Variants in SPATA2 observed in about 807,000 individuals in gnomAD.
SPATA2 encodes the protein spermatogenesis-associated protein 2.
In SPATA2, 8 loss-of-function variants were observed where a neutral mutation model predicts 35.4. The ratio of observed to expected loss-of-function variants is 0.23; its 90% CI spans 0.13 to 0.41. The LOEUF is 0.41. Among genes scored for constraint, SPATA2 ranks in the 10% least tolerant of loss-of-function variants. The probability of loss-of-function intolerance (pLI) is 1.00; values close to 1 mark genes in which losing one functional copy is unlikely to be tolerated. For missense variants in SPATA2, 650 were observed against 698.7 expected (o/e 0.93, Z 0.79); for synonymous variants, 293 against 300.9 (o/e 0.97, Z 0.27).
chr20:49,906,194 A>G lies in SPATA2; in HGVS notation c.988T>C (p.Ser330Pro), dbSNP rs1222996530. The G allele has an allele frequency of 1.3e-6, 2 of 1,581,308 alleles. No homozygotes were observed. Among genetic ancestry groups the G allele is most frequent in the Admixed American group, 3.5e-5 (2 of 57,964 alleles). Residue 330 changes from serine (S) to proline (P), a missense_variant, in exon 3 of 3, where the codon TCC becomes CCC. Ser to Pro is a moderately conservative substitution (Grantham distance 74). Transcript: ENST00000289431. This position sits in a 1 kb window ranked among gnomAD's most constrained non-coding sequence, Gnocchi z 8.2. Reference protein sequence around the residue: ...GPALLRGTYFSTQDDVDLYTD... With the variant: ...GPALLRGTYFPTQDDVDLYTD... ...TACAGATCCACGTCATCCTGAGTGG[A>G]GAAGTAGGTACCGCGCAGCAGGGCC...
Position 49,905,951 on chromosome 20 carries a change from TG to T in SPATA2, c.1230del (p.Ser411AlafsTer97). ...SLLTCPPASK[P>X]SAFPSKASTH... ...GTCGAGGCCTTGCTGGGGAAGGCGC[TG>T]GGCTTGGAAGCTGGAGGACAGGTGA... is the stretch of plus-strand genomic sequence containing the variant. On this transcript the variant is annotated frameshift_variant, in exon 3 of 3. Transcript: ENST00000289431. LOFTEE classifies it high-confidence loss of function. The T allele has an allele frequency of 6.2e-7, 1 of 1,609,952 alleles. No individual in the cohort carries two copies. Among genetic ancestry groups the T allele is most frequent in the Non-Finnish European group, 8.5e-7 (1 of 1,179,882 alleles).
In SPATA2 at chr20:49,906,326, C is replaced by A; in HGVS notation, c.856G>T (p.Asp286Tyr). The A allele has an allele frequency of 6.2e-7, 1 of 1,605,662 alleles. No homozygotes were observed. The highest frequency in any genetic ancestry group is 8.5e-7 in the Non-Finnish European group (1 of 1,175,164). ...KEPVATDVGD[D>Y]LKDEIIRPSP... ...GGGCGGATGATCTCATCCTTGAGGT[C>A]GTCCCCCACATCCGTTGCCACAGGC... Residue 286 changes from aspartate (D) to tyrosine (Y), a missense_variant, in exon 3 of 3, where the codon GAC becomes TAC. Physicochemically the swap from Asp to Tyr is radical, Grantham distance 160 (BLOSUM62 -3). Coordinates refer to ENST00000289431, the MANE Select transcript of SPATA2 (RefSeq NM_006038.4). The surrounding 1 kb of genome is among the most constrained non-coding windows in gnomAD (Gnocchi z 8.2).
In SPATA2 at chr20:49,905,338, C is replaced by A; in HGVS notation, c.*281G>T. ...ACAACAAAACAAAACAAAACAAAAC[C>A]CCAAAAAAAGAACCAACTGAACAGG... On this transcript the variant is annotated 3_prime_UTR_variant, in exon 3 of 3. Coordinates refer to ENST00000289431, the MANE Select transcript of SPATA2 (RefSeq NM_006038.4). 1 of 444,884 alleles carries A rather than the reference C, an allele frequency of 2.2e-6. No homozygotes were observed. The highest frequency in any genetic ancestry group is 4.0e-6 in the Non-Finnish European group (1 of 250,344). 27.6% of individuals were successfully genotyped at this position (444,884 alleles called of 1,614,324 possible). A position where few individuals can be genotyped will look rare whatever the true frequency, so the allele number is the denominator to read the frequency against.
intron 1 of SPATA2, among the ~76,000 whole-genome samples, chr20:49,909,920 G>A (rs1488819896): frequency 6.6e-6 from 1 of 152,228 alleles, no homozygotes; most frequent in Non-Finnish European, 1.5e-5. Flanking sequence ...GTGGCTACCG[G>A]CCCCTGGAGT....
Position 49,905,512 on chromosome 20 carries a change from T to G in SPATA2, c.*107A>C. ...CCCACGATCTCTGCCACCTACATGG[T>G]CAAGTGCAGGCCTCCGCCTCTGAGA... On this transcript the variant is annotated 3_prime_UTR_variant, in exon 3 of 3. Transcript: ENST00000289431. The G allele has an allele frequency of 7.7e-7, 1 of 1,306,514 alleles. No individual in the cohort carries two copies. The highest frequency in any genetic ancestry group is 1.1e-6 in the Non-Finnish European group (1 of 942,094). The allele number at this position is 1,306,514 out of a possible 1,614,324, so 80.9% of individuals were successfully genotyped here.
At chr20:49,909,180 G>A (rs1483304410) in intron 1 of SPATA2, among the ~76,000 whole-genome samples, 9 of 152,120 alleles carry the variant, frequency 5.9e-5, no homozygotes, top group East Asian at 3.9e-4. Flanking sequence ...CTGCCACCAC[G>A]CCTGGTTAAT....
chr20:49,909,571 G>T (rs1193735479), intron 1 of SPATA2, among the ~76,000 whole-genome samples: 1 of 151,996 alleles, frequency 6.6e-6, no homozygotes, highest in Non-Finnish European at 1.5e-5. Flanking sequence ...TTAAGAAAAA[G>T]AAACTGTCCA....
chr20:49,906,277 G>A lies in SPATA2; in HGVS notation c.905C>T (p.Ala302Val). The change falls in exon 3 of 3, where the codon GCC (alanine) becomes GTC (valine). Residue 302 changes from alanine (A) to valine (V), a missense_variant. By Grantham distance (64) the Ala-to-Val change is moderately conservative. Transcript: ENST00000289431. This position sits in a 1 kb window ranked among gnomAD's most constrained non-coding sequence, Gnocchi z 8.2. ...ATCCGGGCTGCCGTGGGGGGAGCTGGCCATGGTCAGCAGCGAAGGGGATGG... is the reference window on the plus strand; with the variant it reads ...ATCCGGGCTGCCGTGGGGGGAGCTGACCATGGTCAGCAGCGAAGGGGATGG... ...IRPSPSLLTM[A>V]SSPHGSPDVL... 4 of 1,573,874 alleles carry A rather than the reference G, an allele frequency of 2.5e-6. No individual in the cohort carries two copies. The highest frequency in any genetic ancestry group is 3.5e-6 in the Non-Finnish European group (4 of 1,158,432).
At position 49,905,523 on chromosome 20, in the gene SPATA2, C is replaced by T. The variant is rs1049310316; in HGVS notation, c.*96G>A. 7.1e-7 allele frequency: 1 copy of T among 1,409,122 alleles called. No homozygotes were observed. The highest frequency in any genetic ancestry group is 9.7e-7 in the Non-Finnish European group (1 of 1,025,706). 87.3% of individuals were successfully genotyped at this position (1,409,122 alleles called of 1,614,324 possible). On this transcript the variant is annotated 3_prime_UTR_variant, in exon 3 of 3. Coordinates refer to ENST00000289431, the MANE Select transcript of SPATA2 (RefSeq NM_006038.4). The stretch of plus-strand genomic sequence containing the variant: ...TGCCACCTACATGGTCAAGTGCAGG[C>T]CTCCGCCTCTGAGATCAATGCGTTA...
chr20:49,912,163 A>T (rs2090185313), intron 1 of SPATA2, among the ~76,000 whole-genome samples: 1 of 152,186 alleles, frequency 6.6e-6, no homozygotes, highest in South Asian at 2.1e-4. Context: ...CTTAAAAAAT[A>T]AAAATGCAGG....
At position 49,905,816 on chromosome 20, in the gene SPATA2, G is replaced by T; in HGVS notation, c.1366C>A (p.Pro456Thr). ...TTGCAGAAGCCACAGCGGGAAGTGGGCGTGGTGGAGGGCTTGGATTTGGAG... is the reference window on the plus strand; with the variant it reads ...TTGCAGAAGCCACAGCGGGAAGTGGTCGTGGTGGAGGGCTTGGATTTGGAG... ...LHSKSKPSTT[P>T]TSRCGFCNRP... Residue 456 changes from proline (P) to threonine (T), a missense_variant, in exon 3 of 3, where the codon CCC (proline) becomes ACC (threonine). Coordinates refer to ENST00000289431, the MANE Select transcript of SPATA2 (RefSeq NM_006038.4). 1 of 1,614,210 alleles carries T rather than the reference G, an allele frequency of 6.2e-7. No homozygotes were observed. Among genetic ancestry groups the T allele is most frequent in the Non-Finnish European group, 8.5e-7 (1 of 1,180,030 alleles).
At position 49,906,684 on chromosome 20, in the gene SPATA2, G is replaced by C; in HGVS notation, c.498C>G (p.Leu166=). 6.2e-7 allele frequency: 1 copy of C among 1,614,238 alleles called. No homozygotes were observed. The highest frequency in any genetic ancestry group is 8.5e-7 in the Non-Finnish European group (1 of 1,180,052). The change falls in exon 3 of 3, where the codon CTC becomes CTG. Residue 166 remains leucine (L), a synonymous_variant. Coordinates refer to ENST00000289431, the MANE Select transcript of SPATA2 (RefSeq NM_006038.4). This position sits in a 1 kb window ranked among gnomAD's most constrained non-coding sequence, Gnocchi z 8.2. ...GCTCACACTCGACTTTGGCCAGAAA[G>C]AGCTCAAAGGAGACCATCTTCACCT... ...TLQVKMVSFE[L]FLAKVECEQM...
intron 1 of SPATA2, among the ~76,000 whole-genome samples, chr20:49,911,728 T>C (rs1228072152): frequency 1.3e-5 from 2 of 151,870 alleles, no homozygotes; most frequent in African/African-American, 4.8e-5. Flanking sequence ...CTGCAAAGGA[T>C]GTCTGCATTC....
Position 49,905,548 on chromosome 20 carries a change from A to T in SPATA2, c.*71T>A. ...CCTCCGCCTCTGAGATCAATGCGTT[A>T]GTACTTCTTCACCGTGAAACCCGAA... On this transcript the variant is annotated 3_prime_UTR_variant, in exon 3 of 3. Transcript: ENST00000289431. 1 of 1,536,762 alleles carries T rather than the reference A, an allele frequency of 6.5e-7. No individual in the cohort carries two copies. Among genetic ancestry groups the T allele is most frequent in the Non-Finnish European group, 8.9e-7 (1 of 1,124,852 alleles).
intron 1 of SPATA2, 51 bp from the exon 2 acceptor site, chr20:49,908,643 C>T (rs978666516): frequency 6.5e-5 from 44 of 677,532 alleles, no homozygotes; most frequent in African/African-American, 1.8e-4. Context: ...GGTCGCGCTT[C>T]GGCTTCAGGT....
chr20:49,910,934 G>T (rs569867109), intron 1 of SPATA2, among the ~76,000 whole-genome samples: 53 of 152,372 alleles, frequency 3.5e-4, no homozygotes, highest in African/African-American at 1.2e-3. Flanking sequence ...CCATTTAGGG[G>T]CCAGGTGCGG....
chr20:49,914,972 G>C (rs904341061), intron 1 of SPATA2, among the ~76,000 whole-genome samples: 1 of 152,202 alleles, frequency 6.6e-6, no homozygotes, highest in Non-Finnish European at 1.5e-5. Flanking sequence ...CACTTAAATA[G>C]GCAACTGAGG....
At chr20:49,910,480 C>T (rs2090176751) in intron 1 of SPATA2, among the ~76,000 whole-genome samples, 1 of 152,150 alleles carries the variant, frequency 6.6e-6, no homozygotes, top group Admixed American at 6.5e-5. Context: ...TGTGCATTTT[C>T]ACATGCTCTG....
Position 49,906,241 on chromosome 20 carries a change from G to C in SPATA2, c.941C>G (p.Pro314Arg). 1 of 1,568,670 alleles carries C rather than the reference G, an allele frequency of 6.4e-7. No homozygotes were observed. Residue 314 changes from proline (P) to arginine (R), a missense_variant, in exon 3 of 3, where the codon CCC becomes CGC. By Grantham distance (103) the Pro-to-Arg change is moderately radical. Coordinates refer to ENST00000289431, the MANE Select transcript of SPATA2 (RefSeq NM_006038.4). This position sits in a 1 kb window ranked among gnomAD's most constrained non-coding sequence, Gnocchi z 8.2. Reference protein sequence around the residue: ...SPHGSPDVLPPASPSNGPALL... With the variant: ...SPHGSPDVLPRASPSNGPALL... Reference sequence around the variant, plus strand: ...GGCCGGGCCGTTGCTGGGGGAGGCGGGTGGAAGCACATCCGGGCTGCCGTG... The same window carrying C: ...GGCCGGGCCGTTGCTGGGGGAGGCGCGTGGAAGCACATCCGGGCTGCCGTG...
Sources: gnomAD v4.1 joint callset for allele counts (sites outside exome capture counted in the v4.1 genomes callset) on GRCh38, gnomAD v4.1.1 for gene constraint, Gnocchi (gnomAD v3.1) non-coding constraint, MANE v1.5 for transcripts, NCBI Gene and HGNC (gene_info 2026-07-23, HGNC 2026-07-21) for gene names.